Variants in CNTNAP2 observed in about 807,000 individuals in gnomAD.
The protein encoded by CNTNAP2 is contactin associated protein 2.
CNTNAP2 carries 98 observed loss-of-function variants against 155.2 expected under a neutral mutation model. That is an observed-to-expected ratio of 0.63 (90% confidence interval 0.54 to 0.75). The LOEUF is 0.75. CNTNAP2 is among the 30% of genes least tolerant of loss of function. The pLI is 0.00. For synonymous variants in CNTNAP2, 651 were observed against 631.2 expected (o/e 1.03, Z -0.47); for missense variants, 1,727 against 1,688.1 (o/e 1.02, Z -0.40).
chr7:146,261,380 C>G (rs2129081580), intron 1 of CNTNAP2, among the ~76,000 whole-genome samples: 1 of 151,766 alleles, frequency 6.6e-6, no homozygotes, highest in Non-Finnish European at 1.5e-5. Context: ...CTAGCCCCTT[C>G]TGCTTGCCTG....
intron 1 of CNTNAP2, among the ~76,000 whole-genome samples, chr7:146,708,930 T>C (rs148343840): frequency 8.9e-4 from 135 of 152,224 alleles, no homozygotes; most frequent in Admixed American, 2.2e-3. Context: ...GGTCAATTTA[T>C]GTATGTTTGA....
chr7:147,101,869 AG>A, intron 4 of CNTNAP2, among the ~76,000 whole-genome samples: 1 of 152,286 alleles, frequency 6.6e-6, no homozygotes, highest in Non-Finnish European at 1.5e-5. Flanking sequence ...GGAGCACGGC[AG>A]GCCAGGGTGG....
intron 15 of CNTNAP2, among the ~76,000 whole-genome samples, chr7:148,069,703 T>G (rs1803344606): frequency 6.9e-6 from 1 of 145,906 alleles, no homozygotes; most frequent in South Asian, 2.1e-4. Flanking sequence ...GAGCTTGCAG[T>G]GAGCCAAGAT....
At chr7:148,111,779 T>C (rs1356690368) in intron 15 of CNTNAP2, among the ~76,000 whole-genome samples, 1 of 152,238 alleles carries the variant, frequency 6.6e-6, no homozygotes, top group Non-Finnish European at 1.5e-5. Flanking sequence ...ACAATTTTCT[T>C]TCTGGAGTTT....
intron 1 of CNTNAP2, among the ~76,000 whole-genome samples, chr7:146,123,643 T>G (rs1257954426): frequency 2.0e-5 from 3 of 152,188 alleles, no homozygotes; most frequent in Admixed American, 6.5e-5. Context: ...TTTTATTTAC[T>G]GTTATAATGT....
At chr7:147,709,043 A>G (rs905784791) in intron 13 of CNTNAP2, among the ~76,000 whole-genome samples, 4 of 152,160 alleles carry the variant, frequency 2.6e-5, no homozygotes, top group Non-Finnish European at 5.9e-5. Context: ...TCCTCGTTCA[A>G]AAAACGACCC....
At chr7:147,725,397 T>G (rs1339788442) in intron 13 of CNTNAP2, among the ~76,000 whole-genome samples, 3 of 152,096 alleles carry the variant, frequency 2.0e-5, no homozygotes, top group Non-Finnish European at 4.4e-5. Context: ...TAAATGCAGT[T>G]CTTAAAACAA....
intron 20 of CNTNAP2, among the ~76,000 whole-genome samples, chr7:148,230,373 T>A (rs1795939780): frequency 6.6e-6 from 1 of 152,146 alleles, no homozygotes; most frequent in African/African-American, 2.4e-5. Flanking sequence ...ATTTTTACAG[T>A]GAAGAAACCA....
chr7:147,674,981 A>G (rs1584893246), intron 13 of CNTNAP2, among the ~76,000 whole-genome samples: 2 of 151,598 alleles, frequency 1.3e-5, no homozygotes, highest in African/African-American at 4.9e-5. Flanking sequence ...GTTTCCCAGG[A>G]TTGCCAAAAC....
intron 1 of CNTNAP2, among the ~76,000 whole-genome samples, chr7:146,497,031 T>C (rs139454802): frequency 9.8e-5 from 15 of 152,328 alleles, no homozygotes; most frequent in African/African-American, 3.4e-4. Flanking sequence ...TGTAATCTCC[T>C]TTCCACTTCT....
In CNTNAP2 at chr7:148,409,386, T is replaced by TGC; in HGVS notation, c.3716-5_3716-4insGC. On this transcript the variant is annotated splice_region_variant and splice_polypyrimidine_tract_variant and intron_variant, in intron 22 of 23. Coordinates refer to ENST00000361727, the MANE Select transcript of CNTNAP2 (RefSeq NM_014141.6). Reference sequence around the variant, plus strand: ...TCTGACACTTGACTCTTTCTTTCTCTACAGCCAGTGCGGATTTTCCATATA... The same window carrying TGC: ...TCTGACACTTGACTCTTTCTTTCTCTGCACAGCCAGTGCGGATTTTCCATATA... 7 of 1,606,056 alleles carry TGC rather than the reference T, an allele frequency of 4.4e-6. No individual in the cohort carries two copies. In the South Asian group the frequency reaches 7.7e-5, roughly 18 times the overall value.
intron 1 of CNTNAP2, among the ~76,000 whole-genome samples, chr7:146,428,494 A>T (rs1402141658): frequency 6.6e-6 from 1 of 151,704 alleles, no homozygotes; most frequent in Non-Finnish European, 1.5e-5. Flanking sequence ...TTTTTTAATG[A>T]TCAGTGATGC....
chr7:146,750,146 A>G (rs1190057463), intron 1 of CNTNAP2, among the ~76,000 whole-genome samples: 1 of 152,150 alleles, frequency 6.6e-6, no homozygotes, highest in African/African-American at 2.4e-5. Flanking sequence ...GGCCCAAACA[A>G]GCCAAATTAT....
intron 4 of CNTNAP2, among the ~76,000 whole-genome samples, chr7:147,050,980 G>T (rs371201300): frequency 4.6e-5 from 7 of 151,890 alleles, no homozygotes; most frequent in African/African-American, 1.4e-4. Flanking sequence ...CTTCGCTTTT[G>T]TCTGTGTCTC....
At chr7:147,457,653 T>A (rs948300986) in intron 10 of CNTNAP2, among the ~76,000 whole-genome samples, 8 of 152,148 alleles carry the variant, frequency 5.3e-5, no homozygotes, top group South Asian at 4.1e-4. Context: ...CACGAGATAT[T>A]GGTTAAATAA....
chr7:147,993,449 A>G (rs1359641788), intron 15 of CNTNAP2, among the ~76,000 whole-genome samples: 3 of 152,190 alleles, frequency 2.0e-5, no homozygotes, highest in Non-Finnish European at 4.4e-5. Flanking sequence ...ATTAAGTCTG[A>G]GTGTTTTCTT....
At chr7:146,991,756 C>T (rs970949625) in intron 3 of CNTNAP2, among the ~76,000 whole-genome samples, 3 of 152,090 alleles carry the variant, frequency 2.0e-5, no homozygotes, top group Non-Finnish European at 4.4e-5. Context: ...ATGCTGAGAT[C>T]GTTGAACAAC....
At chr7:147,875,391 C>T (rs1461016714) in intron 13 of CNTNAP2, among the ~76,000 whole-genome samples, 2 of 152,022 alleles carry the variant, frequency 1.3e-5, no homozygotes, top group Non-Finnish European at 2.9e-5. Flanking sequence ...ATCAACAGAT[C>T]GTGTGAGACT....
intron 1 of CNTNAP2, among the ~76,000 whole-genome samples, chr7:146,553,735 C>T (rs972094014): frequency 2.7e-4 from 41 of 152,010 alleles, no homozygotes; most frequent in African/African-American, 9.4e-4. Flanking sequence ...ACATAGTGAA[C>T]ATTTCAATGG....
Sources: allele counts gnomAD v4.1 joint callset (sites outside exome capture counted in the v4.1 genomes callset), GRCh38; gene constraint gnomAD v4.1.1; transcripts MANE v1.5; gene names NCBI Gene and HGNC (gene_info 2026-07-23, HGNC 2026-07-21).